Variants in RALGPS2 observed in about 807,000 individuals in gnomAD.
The protein encoded by RALGPS2 is ras-specific guanine nucleotide-releasing factor RalGPS2.
In RALGPS2, 43 loss-of-function variants were observed where a neutral mutation model predicts 86.8. The observed-to-expected ratio is 0.50, with a 90% CI of 0.39 to 0.64. The LOEUF is 0.64. RALGPS2 is among the 30% of genes least tolerant of loss of function. The pLI is 0.00. For missense variants in RALGPS2, 536 were observed against 694.6 expected, an observed-to-expected ratio of 0.77 and a Z score of 2.57; for synonymous variants, 243 against 231.3, an observed-to-expected ratio of 1.05 and a Z score of -0.46.
chr1:178,828,108 T>C (rs1316799045), intron 7 of RALGPS2, among the ~76,000 whole-genome samples: 1 of 152,174 alleles, frequency 6.6e-6, no homozygotes. Context: ...AGCAAAAATA[T>C]ACAAAATGGG....
chr1:178,906,741 T>C (rs759374165), intron 18 of RALGPS2, 35 bp from the exon 19 acceptor site: 9 of 1,542,354 alleles, frequency 5.8e-6, no homozygotes, highest in Middle Eastern at 1.8e-4. Context: ...GTCCTTACAT[T>C]TTTAATATTT....
At chr1:178,844,353 A>G (rs570216706) in intron 8 of RALGPS2, among the ~76,000 whole-genome samples, 2 of 152,320 alleles carry the variant, frequency 1.3e-5, no homozygotes, top group South Asian at 4.1e-4. Context: ...AAACCTACCA[A>G]TTTTTGTGAA....
chr1:178,866,417 G>A (rs1427542019), intron 8 of RALGPS2, among the ~76,000 whole-genome samples: 6 of 152,062 alleles, frequency 3.9e-5, no homozygotes, highest in Non-Finnish European at 8.8e-5. Flanking sequence ...TATTTTTATA[G>A]CATCTCCTTT....
At chr1:178,727,674 G>A (rs1650105471) in intron 1 of RALGPS2, among the ~76,000 whole-genome samples, 1 of 152,160 alleles carries the variant, frequency 6.6e-6, no homozygotes, top group Non-Finnish European at 1.5e-5. Flanking sequence ...TTAGAGTTCA[G>A]TGTAGTGAAT....
chr1:178,885,870 C>A, intron 12 of RALGPS2, 99 bp from the exon 13 acceptor site: 1 of 1,044,424 alleles, frequency 9.6e-7, no homozygotes, highest in Non-Finnish European at 1.4e-6. Context: ...CTGAGTATGA[C>A]AGTTAGGTAA....
At chr1:178,889,525 A>G in intron 13 of RALGPS2, 117 bp from the exon 14 acceptor site, 1 of 744,044 alleles carries the variant, frequency 1.3e-6, no homozygotes, top group Middle Eastern at 2.8e-4. Context: ...GGATATGTTC[A>G]TCTACAATGC....
intron 8 of RALGPS2, among the ~76,000 whole-genome samples, chr1:178,849,399 G>A (rs1205762747): frequency 6.6e-6 from 1 of 152,180 alleles, no homozygotes; most frequent in Non-Finnish European, 1.5e-5. Context: ...AGGCAGTTTA[G>A]CATTCAGCCT....
chr1:178,900,949 A>C (rs1392244516), intron 17 of RALGPS2, among the ~76,000 whole-genome samples: 1 of 152,028 alleles, frequency 6.6e-6, no homozygotes, highest in African/African-American at 2.4e-5. Context: ...TTTTAGGCTT[A>C]AGAAAAGAAT....
intron 4 of RALGPS2, among the ~76,000 whole-genome samples, chr1:178,801,666 G>C (rs1244357683): frequency 1.3e-5 from 2 of 152,100 alleles, no homozygotes; most frequent in East Asian, 3.8e-4. Context: ...GAAAACTGTT[G>C]GAAGGTGACT....
intron 8 of RALGPS2, among the ~76,000 whole-genome samples, chr1:178,845,237 G>A (rs948582744): frequency 6.6e-6 from 1 of 152,098 alleles, no homozygotes; most frequent in Non-Finnish European, 1.5e-5. Flanking sequence ...TCTGTAGAAT[G>A]TGAGTATACT....
At chr1:178,871,095 C>T (rs1658731744) in intron 8 of RALGPS2, 1 of 152,080 alleles carries the variant, frequency 6.6e-6, no homozygotes, top group Non-Finnish European at 1.5e-5. Flanking sequence ...AATAGTGATT[C>T]CCTCTTTCTC....
rs1652230341 is a variant in RALGPS2, at chr1:178,761,344, G to GC, written c.-83-15337dup. The stretch of plus-strand genomic sequence containing the variant: ...TTCGGGAGGCTGAGGCAGGAGAATG[G>GC]CGTGAACCCAGGAGGCAGAGCTTGC... On this transcript the variant is annotated intron_variant, in intron 1 of 19. Transcript: ENST00000367635. Among the ~76,000 whole-genome samples the GC allele has an allele frequency of 2.0e-5, 3 of 151,838 alleles. No individual in the cohort carries two copies. The South Asian group carries it at 6.2e-4, about 32-fold the overall frequency.
intron 14 of RALGPS2, among the ~76,000 whole-genome samples, chr1:178,890,203 G>T (rs1215792641): frequency 6.6e-6 from 1 of 151,914 alleles, no homozygotes; most frequent in African/African-American, 2.4e-5. Context: ...TCTAAGTTGT[G>T]CTCCCTTCTC....
intron 7 of RALGPS2, among the ~76,000 whole-genome samples, chr1:178,831,085 A>G (rs1460361506): frequency 1.3e-5 from 2 of 152,210 alleles, no homozygotes; most frequent in Non-Finnish European, 2.9e-5. Flanking sequence ...TTAAAATGGA[A>G]TAAAATTTGC....
chr1:178,739,297 G>T lies in RALGPS2; in HGVS notation c.-84+13878G>T, dbSNP rs1269249037. On this transcript the variant is annotated intron_variant, in intron 1 of 19. Coordinates refer to ENST00000367635, the MANE Select transcript of RALGPS2 (RefSeq NM_152663.5). ...TTTCTTGTAAGCACAGTACTTGAGAGTGTTATCATAAAAGTATTGTTGTTC... is the reference window on the plus strand; with the variant it reads ...TTTCTTGTAAGCACAGTACTTGAGATTGTTATCATAAAAGTATTGTTGTTC... 2.0e-5 allele frequency among the ~76,000 whole-genome samples: 3 copies of T among 152,294 alleles called. No individual in the cohort carries two copies. The Middle Eastern group carries it at 0.01, about 518-fold the overall frequency.
intron 10 of RALGPS2, chr1:178,879,265 C>A: frequency 3.9e-6 from 1 of 257,126 alleles, no homozygotes; most frequent in Non-Finnish European, 7.1e-6. Flanking sequence ...TCCTTTCCCC[C>A]ATATTCAATC....
At chr1:178,826,887 G>A (rs1655770681) in intron 7 of RALGPS2, among the ~76,000 whole-genome samples, 1 of 152,146 alleles carries the variant, frequency 6.6e-6, no homozygotes, top group Non-Finnish European at 1.5e-5. Flanking sequence ...TTTACAGGAA[G>A]TCATTAACAA....
chr1:178,749,833 G>A (rs959779299), intron 1 of RALGPS2, among the ~76,000 whole-genome samples: 7 of 152,044 alleles, frequency 4.6e-5, no homozygotes, highest in Non-Finnish European at 8.8e-5. Flanking sequence ...GGTGGCTCAC[G>A]CTTGTAATTC....
At chr1:178,748,843 T>G (rs919326235) in intron 1 of RALGPS2, among the ~76,000 whole-genome samples, 3 of 137,082 alleles carry the variant, frequency 2.2e-5, no homozygotes, top group Admixed American at 1.5e-4. Flanking sequence ...AGAGTGAGAC[T>G]CTGTCTCAAA....
Sources: allele counts gnomAD v4.1 joint callset (sites outside exome capture counted in the v4.1 genomes callset), GRCh38; gene constraint gnomAD v4.1.1; transcripts MANE v1.5; gene names NCBI Gene and HGNC (gene_info 2026-07-23, HGNC 2026-07-21).